HDGFL3: variants seen among roughly 807,000 people sequenced by gnomAD.
HDGFL3 encodes HDGF like 3, also known as hepatoma-derived growth factor-related protein 3.
Under a neutral mutation model 27.6 loss-of-function variants are expected in HDGFL3, and 6 were observed. The observed-to-expected ratio is 0.22, with a 90% CI of 0.12 to 0.43. The LOEUF is 0.43. Ranked by LOEUF, HDGFL3 falls within the 20% of genes least tolerant of loss-of-function variation. The pLI is 1.00. For missense variants in HDGFL3, 207 were observed against 250.1 expected (o/e 0.83, Z 1.16); for synonymous variants, 88 against 88.9 (o/e 0.99, Z 0.05).
Position 83,207,210 on chromosome 15 carries a change from T to TG in HDGFL3, c.84+120_84+121insC. Reference sequence around the variant, plus strand: ...CTTCGTGCCGCGCCGCCCTCAGCCCTCACCACAGCCGGCCGCGAGCTGCGG... The same window carrying TG: ...CTTCGTGCCGCGCCGCCCTCAGCCCTGCACCACAGCCGGCCGCGAGCTGCGG... On this transcript the variant is annotated intron_variant, in intron 1 of 5. Transcript: ENST00000299633. This position sits in a 1 kb window ranked among gnomAD's most constrained non-coding sequence, Gnocchi z 4.8. 1.6e-6 allele frequency: 1 copy of TG among 634,538 alleles called. No homozygotes were observed. The highest frequency in any genetic ancestry group is 2.3e-6 in the Non-Finnish European group (1 of 437,464). 39.3% of individuals were successfully genotyped at this position (634,538 alleles called of 1,614,324 possible). A position where few individuals can be genotyped will look rare whatever the true frequency, so the allele number is the denominator to read the frequency against.
exon 4 of HDGFL3, chr15:83,112,830 C>T (rs1029180357): frequency 1.2e-6 from 2 of 1,614,040 alleles, no homozygotes; most frequent in Non-Finnish European, 1.7e-6. Flanking sequence ...CTGCCCTCAT[C>T]CTGTTCCTGG....
chr15:83,145,514 G>A (rs1471006848), intron 5 of HDGFL3, among the ~76,000 whole-genome samples: 4 of 152,056 alleles, frequency 2.6e-5, no homozygotes, highest in African/African-American at 7.2e-5. Context: ...TACTTGCCCT[G>A]GAGGTGGAGA....
intron 4 of HDGFL3, 26 bp downstream of exon 4, chr15:83,157,389 A>G (rs1378011658): frequency 2.5e-6 from 4 of 1,593,204 alleles, no homozygotes; most frequent in Non-Finnish European, 2.6e-6. Context: ...TATAACATTA[A>G]TAACAATGAG....
intron 3 of HDGFL3, among the ~76,000 whole-genome samples, chr15:83,118,743 C>T (rs1255859762): frequency 6.6e-6 from 1 of 151,836 alleles, no homozygotes; most frequent in Non-Finnish European, 1.5e-5. Flanking sequence ...ACAGCATGAA[C>T]GTGGGAGAAA....
At chr15:83,172,890 G>A (rs1419709238) in intron 1 of HDGFL3, among the ~76,000 whole-genome samples, 1 of 151,864 alleles carries the variant, frequency 6.6e-6, no homozygotes, top group Non-Finnish European at 1.5e-5. Context: ...TCATCATAAA[G>A]GTATTCATCT....
intron 1 of HDGFL3, among the ~76,000 whole-genome samples, chr15:83,195,405 GAATA>G (rs2037557276): frequency 6.6e-6 from 1 of 151,828 alleles, no homozygotes; most frequent in Admixed American, 6.6e-5. Flanking sequence ...TCATGATACT[GAATA>G]AATGTGTCTT....
rs1161084127 is a variant in HDGFL3 at position 83,131,832 on chromosome 15, A to G, written c.*7438T>C. Reference sequence around the variant, plus strand: ...CATAACCCAGGTATCTTTTCATATAAAATGCTAACCATAGGATTAAAGCTG... The same window carrying G: ...CATAACCCAGGTATCTTTTCATATAGAATGCTAACCATAGGATTAAAGCTG... On this transcript the variant is annotated 3_prime_UTR_variant, in exon 6 of 6. Coordinates refer to ENST00000299633, the MANE Select transcript of HDGFL3 (RefSeq NM_016073.4). The G allele has an allele frequency of 6.6e-6, 1 of 152,186 alleles. No homozygotes were observed. Among genetic ancestry groups the G allele is most frequent in the East Asian group, 1.9e-4 (1 of 5,196 alleles). 9.4% of individuals were successfully genotyped at this position (152,186 alleles called of 1,614,324 possible).
intron 4 of HDGFL3, among the ~76,000 whole-genome samples, chr15:83,151,589 G>A (rs2036964719): frequency 6.6e-6 from 1 of 152,204 alleles, no homozygotes; most frequent in Non-Finnish European, 1.5e-5. Context: ...AGTGGGCTAG[G>A]TGACCTCTTA....
intron 1 of HDGFL3, among the ~76,000 whole-genome samples, chr15:83,204,607 T>C (rs1377971869): frequency 4.6e-5 from 7 of 152,178 alleles, no homozygotes; most frequent in Non-Finnish European, 7.3e-5. Context: ...GGATAAAATA[T>C]TGGAAAAATA....
intron 4 of HDGFL3, among the ~76,000 whole-genome samples, chr15:83,154,847 T>A (rs1465214783): frequency 1.3e-5 from 2 of 152,210 alleles, no homozygotes; most frequent in Non-Finnish European, 2.9e-5. Flanking sequence ...ATTTCATTGA[T>A]ATTAAAAATA....
At chr15:83,200,351 G>GA (rs531902722) in intron 1 of HDGFL3, among the ~76,000 whole-genome samples, 30 of 150,512 alleles carry the variant, frequency 2.0e-4, no homozygotes, top group Admixed American at 4.0e-4. Flanking sequence ...AAAAAAGAAA[G>GA]AAAAAAAAGA....
chr15:83,140,483 T>TTG (rs1555452503), intron 5 of HDGFL3, among the ~76,000 whole-genome samples: 1 of 147,392 alleles, frequency 6.8e-6, no homozygotes, highest in Non-Finnish European at 1.5e-5. Flanking sequence ...CAAAGAAAGT[T>TTG]TTTTTTTTTT....
chr15:83,154,152 T>C (rs2036997895), intron 4 of HDGFL3, among the ~76,000 whole-genome samples: 1 of 147,654 alleles, frequency 6.8e-6, no homozygotes, highest in South Asian at 2.1e-4. Context: ...CGGTCTCTAC[T>C]GGAAAAAAAA....
At chr15:83,174,357 T>C (rs2037283501) in intron 1 of HDGFL3, among the ~76,000 whole-genome samples, 1 of 152,182 alleles carries the variant, frequency 6.6e-6, no homozygotes, top group Non-Finnish European at 1.5e-5. Flanking sequence ...TTACTAAATT[T>C]AGTTATCTAA....
intron 2 of HDGFL3, among the ~76,000 whole-genome samples, chr15:83,160,701 A>G (rs1042315992): frequency 3.9e-5 from 6 of 152,308 alleles, no homozygotes; most frequent in Admixed American, 3.9e-4. Flanking sequence ...TTTGGAAATT[A>G]TCAGTAAAGA....
chr15:83,124,972 C>T (rs1182598384), downstream of HDGFL3, among the ~76,000 whole-genome samples: 1 of 152,216 alleles, frequency 6.6e-6, no homozygotes, highest in Non-Finnish European at 1.5e-5. Context: ...TCACCTCCTC[C>T]TGTCCTTAGA....
intron 5 of HDGFL3, among the ~76,000 whole-genome samples, chr15:83,147,210 G>C (rs974492666): frequency 1.3e-5 from 2 of 151,860 alleles, no homozygotes; most frequent in African/African-American, 2.4e-5. Context: ...CTACAGGCAC[G>C]CACCACAACA....
intron 3 of HDGFL3, among the ~76,000 whole-genome samples, chr15:83,116,137 C>T (rs186894923): frequency 2.0e-5 from 3 of 152,304 alleles, no homozygotes; most frequent in Admixed American, 1.3e-4. Flanking sequence ...AGAGGCAATT[C>T]TCTCCAACAT....
intron 2 of HDGFL3, among the ~76,000 whole-genome samples, chr15:83,159,722 G>T (rs1048281168): frequency 1.2e-4 from 19 of 152,168 alleles, no homozygotes; most frequent in African/African-American, 4.3e-4. Flanking sequence ...TGAAGAAAGA[G>T]CAAGTACAAG....
Sources: allele counts gnomAD v4.1 joint callset (sites outside exome capture counted in the v4.1 genomes callset), GRCh38; gene constraint gnomAD v4.1.1; non-coding constraint Gnocchi (gnomAD v3.1); transcripts MANE v1.5; gene names NCBI Gene and HGNC (gene_info 2026-07-23, HGNC 2026-07-21).